FBXL20: variants seen among roughly 807,000 people sequenced by gnomAD.
FBXL20 encodes F-box and leucine rich repeat protein 20.
FBXL20 carries 11 observed loss-of-function variants against 64.0 expected under a neutral mutation model. That is an observed-to-expected ratio of 0.17 (90% CI 0.11 to 0.28). The LOEUF (loss-of-function observed/expected upper bound fraction) is 0.28, where lower values mean the gene tolerates loss of function less well. FBXL20 is among the 10% of genes least tolerant of loss of function. The probability of loss-of-function intolerance (pLI) is 1.00; values close to 1 mark genes in which losing one functional copy is unlikely to be tolerated. For synonymous variants in FBXL20, 184 were observed against 189.0 expected, an observed-to-expected ratio of 0.97 and a Z score of 0.22; for missense variants, 303 against 526.2, an observed-to-expected ratio of 0.58 and a Z score of 4.15.
At chr17:39,300,494 G>T (rs2047124140) in intron 4 of FBXL20, among the ~76,000 whole-genome samples, 1 of 152,100 alleles carries the variant, frequency 6.6e-6, no homozygotes, top group Non-Finnish European at 1.5e-5. Context: ...AAAACATGGG[G>T]CAAAAAGTGA....
At chr17:39,302,546 T>G (rs1368371040) in intron 3 of FBXL20, among the ~76,000 whole-genome samples, 1 of 152,158 alleles carries the variant, frequency 6.6e-6, no homozygotes, top group African/African-American at 2.4e-5. Flanking sequence ...GCTAATTTTT[T>G]GTATTTTTAG....
At position 39,269,771 on chromosome 17, in the gene FBXL20, T is replaced by C. The variant is rs185906127; in HGVS notation, c.889-900A>G. On this transcript the variant is annotated intron_variant, in intron 11 of 14. Transcript: ENST00000264658. Reference sequence around the variant, plus strand: ...CCTTGGCCTCCCCAAGTGCTGGGATTACAGGCATGAGCCACCGCGCCCGGC... The same window carrying C: ...CCTTGGCCTCCCCAAGTGCTGGGATCACAGGCATGAGCCACCGCGCCCGGC... 7.0e-4 allele frequency among the ~76,000 whole-genome samples: 107 copies of C among 152,268 alleles called. 1 individual carries two copies. In the Middle Eastern group the frequency reaches 0.014, roughly 19 times the overall value.
At chr17:39,296,559 CAAAAAAAAAAAAAAAAAAA>C (rs60002793) in intron 6 of FBXL20, among the ~76,000 whole-genome samples, 1 of 62,162 alleles carries the variant, frequency 1.6e-5, no homozygotes, top group Admixed American at 2.0e-4. Context: ...GACTCTGTCT[CAAAAAAAAAAAAAAAAAAA>C]AAAAAGAAAT....
intron 2 of FBXL20, among the ~76,000 whole-genome samples, chr17:39,331,211 C>A (rs2047457191): frequency 6.6e-6 from 1 of 152,248 alleles, no homozygotes; most frequent in South Asian, 2.1e-4. Flanking sequence ...AGCGATTCTT[C>A]TGCCTCAGCC....
intron 13 of FBXL20, 77 bp from the exon 14 acceptor site, chr17:39,264,464 A>G: frequency 6.6e-7 from 1 of 1,507,204 alleles, no homozygotes; most frequent in Non-Finnish European, 9.1e-7. Flanking sequence ...TGTGAATTGG[A>G]AAGGAGACAT....
intron 13 of FBXL20, among the ~76,000 whole-genome samples, chr17:39,265,116 C>T (rs1321204471): frequency 6.6e-6 from 1 of 152,222 alleles, no homozygotes; most frequent in East Asian, 1.9e-4. Flanking sequence ...GAAATTTAAA[C>T]ATCATTCAGG....
At chr17:39,369,151 G>A (rs1269029120) in intron 1 of FBXL20, among the ~76,000 whole-genome samples, 2 of 151,132 alleles carry the variant, frequency 1.3e-5, no homozygotes, top group Non-Finnish European at 2.9e-5. Flanking sequence ...AGTTTTAGAA[G>A]TACTGGATAA....
chr17:39,301,682 T>A (rs2047136654), intron 3 of FBXL20, among the ~76,000 whole-genome samples: 1 of 151,246 alleles, frequency 6.6e-6, no homozygotes, highest in African/African-American at 2.4e-5. Context: ...GAGCCAAGAT[T>A]GTGCCACTGC....
At position 39,297,113 on chromosome 17, in the gene FBXL20, CAT is replaced by C. The variant is rs1567868457; in HGVS notation, c.398+12_398+13del. 1 of 1,593,578 alleles carries C rather than the reference CAT, an allele frequency of 6.3e-7. No individual in the cohort carries two copies. Among genetic ancestry groups the C allele is most frequent in the African/African-American group, 1.3e-5 (1 of 74,592 alleles). On this transcript the variant is annotated intron_variant, in intron 6 of 14. Transcript: ENST00000264658. ...GGGGTTATGACTTATCCTCCAAAAA[CAT>C]AAAATACTTACGCGTCTGTTGTCTT...
intron 6 of FBXL20, among the ~76,000 whole-genome samples, chr17:39,295,510 C>G: frequency 6.6e-6 from 1 of 152,144 alleles, no homozygotes; most frequent in East Asian, 1.9e-4. Flanking sequence ...CCACCTCAGC[C>G]TCCCAAGGTG....
chr17:39,288,688 A>G (rs2047010358), intron 6 of FBXL20, among the ~76,000 whole-genome samples: 2 of 151,538 alleles, frequency 1.3e-5, no homozygotes, highest in South Asian at 4.2e-4. Flanking sequence ...TGTTTTTTTA[A>G]GTTAATGGTA....
chr17:39,281,307 G>T, intron 9 of FBXL20, 82 bp downstream of exon 9: 1 of 1,246,098 alleles, frequency 8.0e-7, no homozygotes, highest in South Asian at 1.3e-5. Context: ...TGGTCTTGAT[G>T]ACTGAAGCTC....
intron 1 of FBXL20, among the ~76,000 whole-genome samples, chr17:39,366,973 C>T (rs767892742): frequency 7.9e-5 from 12 of 151,344 alleles, no homozygotes; most frequent in Non-Finnish European, 1.6e-4. Context: ...AAGCTCTGCC[C>T]CTGGGTTCAC....
intron 1 of FBXL20, among the ~76,000 whole-genome samples, chr17:39,352,938 G>A (rs763583666): frequency 5.9e-5 from 9 of 152,108 alleles, no homozygotes; most frequent in Non-Finnish European, 1.3e-4. Flanking sequence ...GTAAGAAAAA[G>A]TGCCATGTAC....
intron 2 of FBXL20, among the ~76,000 whole-genome samples, chr17:39,336,882 T>C (rs1035446073): frequency 3.3e-5 from 5 of 151,210 alleles, no homozygotes; most frequent in Admixed American, 3.3e-4. Context: ...GAAACCACCA[T>C]AGTAGCAAAC....
chr17:39,379,449 CAA>C (rs1366422285), intron 1 of FBXL20, among the ~76,000 whole-genome samples: 1 of 140,998 alleles, frequency 7.1e-6, no homozygotes, highest in Non-Finnish European at 1.5e-5. Context: ...AGTTCAAGAA[CAA>C]GCCTTGGCAA....
intron 2 of FBXL20, among the ~76,000 whole-genome samples, chr17:39,337,603 G>C (rs1261723752): frequency 1.3e-5 from 2 of 149,294 alleles, no homozygotes; most frequent in African/African-American, 5.0e-5. Flanking sequence ...CCGCGACCCC[G>C]TCTGGGAGGT....
intron 10 of FBXL20, 97 bp downstream of exon 10, chr17:39,274,873 C>T (rs2046875980): frequency 6.7e-7 from 1 of 1,502,646 alleles, no homozygotes. Context: ...AAAGCGTCTG[C>T]AGTGCCTACC....
At chr17:39,388,499 T>C (rs75463865) in intron 1 of FBXL20, among the ~76,000 whole-genome samples, 1 of 151,358 alleles carries the variant, frequency 6.6e-6, no homozygotes, top group Admixed American at 6.6e-5. Context: ...ATTTTTTTTT[T>C]TTGAGACGGC....
Sources: allele counts gnomAD v4.1 joint callset (sites outside exome capture counted in the v4.1 genomes callset), GRCh38; gene constraint gnomAD v4.1.1; transcripts MANE v1.5; gene names NCBI Gene and HGNC (gene_info 2026-07-23, HGNC 2026-07-21).